Variants in CASP8 observed in about 807,000 individuals in gnomAD.
CASP8 encodes caspase 8, also known as caspase-8.
Under a neutral mutation model 46.3 loss-of-function variants are expected in CASP8, and 24 were observed. The observed-to-expected ratio is 0.52, with a 90% CI of 0.38 to 0.73. CASP8 has a LOEUF of 0.73. CASP8 is among the 30% of genes least tolerant of loss of function. CASP8 has a pLI of 0.00. For missense variants in CASP8, 460 were observed against 559.0 expected, an observed-to-expected ratio of 0.82 and a Z score of 1.79; for synonymous variants, 188 against 200.4, an observed-to-expected ratio of 0.94 and a Z score of 0.52.
intron 1 of CASP8, among the ~76,000 whole-genome samples, chr2:201,261,650 A>G (rs1947420436): frequency 6.6e-6 from 1 of 152,162 alleles, no homozygotes; most frequent in African/African-American, 2.4e-5. Context: ...GATGTCTGTC[A>G]GGTTCCGGGG....
intron 2 of CASP8, chr2:201,242,377 A>G (rs540733519): frequency 3.9e-5 from 6 of 152,300 alleles, no homozygotes; most frequent in Non-Finnish European, 5.9e-5. Flanking sequence ...CAGATTTGCT[A>G]TCTAGTGAGG....
intron 2 of CASP8, among the ~76,000 whole-genome samples, chr2:201,234,989 T>C (rs533098515): frequency 6.6e-6 from 1 of 152,322 alleles, no homozygotes; most frequent in South Asian, 2.1e-4. Context: ...ACTGTATGAA[T>C]GAGGAAAGAA....
rs1948245907 is a variant in CASP8 at position 201,271,544 on chromosome 2, G to A, written c.334G>A (p.Val112Met). 8.1e-6 allele frequency: 13 copies of A among 1,608,730 alleles called. No homozygotes were observed. The highest frequency in any genetic ancestry group is 1.3e-5 in the African/African-American group (1 of 74,956). Residue 112 changes from valine (V) to methionine (M), a missense_variant, in exon 3 of 9, where the codon GTG (valine) becomes ATG (methionine). Coordinates refer to ENST00000673742, the MANE Select transcript of CASP8 (RefSeq NM_001372051.1). ...CATGCTCTATCAGATTTCAGAAGAA[G>A]TGAGCAGATCAGAATTGAGGTCTTT... ...RVMLYQISEE[V>M]SRSELRSFKF...
intron 5 of CASP8, among the ~76,000 whole-genome samples, chr2:201,273,337 G>T (rs1218265157): frequency 6.6e-6 from 1 of 152,206 alleles, no homozygotes; most frequent in Non-Finnish European, 1.5e-5. Flanking sequence ...GGGATTACAG[G>T]CATGAGCCAC....
At chr2:201,277,383 T>C (rs1044646033) in intron 7 of CASP8, among the ~76,000 whole-genome samples, 4 of 152,164 alleles carry the variant, frequency 2.6e-5, no homozygotes, top group Non-Finnish European at 5.9e-5. Context: ...TTAACAGAAA[T>C]AGCATTTTCA....
intron 2 of CASP8, among the ~76,000 whole-genome samples, chr2:201,254,213 G>A (rs55637196): frequency 0.12 from 18,597 of 152,154 alleles, 1,534 homozygotes; most frequent in South Asian, 0.29. Context: ...TTCTGAGAAA[G>A]CAGAAGGGGT....
At position 201,266,309 on chromosome 2, in the gene CASP8, A is replaced by G. The variant is rs1463887234; in HGVS notation, c.-26-152A>G. 6 of 658,496 alleles carry G rather than the reference A, an allele frequency of 9.1e-6. No individual in the cohort carries two copies. Among genetic ancestry groups the G allele is most frequent in the Admixed American group, 5.1e-5 (2 of 39,274 alleles). The allele number at this position is 658,496 out of a possible 1,614,324, so 40.8% of individuals were successfully genotyped here. On this transcript the variant is annotated intron_variant, in intron 1 of 8. Transcript: ENST00000673742. The surrounding 1 kb of genome is among the most constrained non-coding windows in gnomAD (Gnocchi z 5.7). ...CTTGTTTGTATGTCTACCTTCCTAAACAGTAAGAGGGAACTTGTCTGGTGT... is the reference window on the plus strand; with the variant it reads ...CTTGTTTGTATGTCTACCTTCCTAAGCAGTAAGAGGGAACTTGTCTGGTGT...
rs1380627048 is a variant in CASP8 at position 201,276,982 on chromosome 2, CA to C, written c.802+18del. ...ACTTGGATGCAGGTACAGTAGAACC[CA>C]AAAGAGAAAAGTAAAATATTTCTTA... is the stretch of plus-strand genomic sequence containing the variant. On this transcript the variant is annotated intron_variant, in intron 7 of 8. Transcript: ENST00000673742. 2 of 1,591,658 alleles carry C rather than the reference CA, an allele frequency of 1.3e-6. No homozygotes were observed. Among genetic ancestry groups the C allele is most frequent in the Admixed American group, 3.3e-5 (2 of 59,872 alleles).
upstream of CASP8, among the ~76,000 whole-genome samples, chr2:201,257,220 G>C (rs1034675852): frequency 4.6e-5 from 7 of 152,192 alleles, no homozygotes; most frequent in African/African-American, 1.4e-4. Context: ...CGTGGCTCAT[G>C]CCTGTAATCC....
intron 2 of CASP8, among the ~76,000 whole-genome samples, chr2:201,243,710 T>C (rs1285464581): frequency 6.6e-6 from 1 of 152,248 alleles, no homozygotes; most frequent in African/African-American, 2.4e-5. Context: ...TAATGTATTG[T>C]TCCACCCTGT....
chr2:201,268,909 T>TTGTGTG (rs58087434), intron 2 of CASP8, among the ~76,000 whole-genome samples: 4,002 of 131,576 alleles, frequency 0.03, 90 homozygotes, highest in East Asian at 0.045. Flanking sequence ...GGCCTCATCT[T>TTGTGTG]TGTGTGTGTG....
rs142482722 is a variant in CASP8, at chr2:201,278,084, C to T, written c.802+1116C>T. The T allele has an allele frequency of 5.1e-3, 789 of 153,804 alleles. 7 individuals are homozygous for T. Among genetic ancestry groups the T allele is most frequent in the Admixed American group, 8.4e-3 (130 of 15,486 alleles). The allele number at this position is 153,804 out of a possible 1,614,324, so 9.5% of individuals were successfully genotyped here. ...GATTAAGTCCATTGATTACATCATT[C>T]GTCACTATGCGCTTGGTATTGAAAA... On this transcript the variant is annotated intron_variant, in intron 7 of 8. Coordinates refer to ENST00000673742, the MANE Select transcript of CASP8 (RefSeq NM_001372051.1).
Position 201,272,494 on chromosome 2 carries a change from G to A in CASP8, c.412-144G>A, listed in dbSNP as rs2125248244. Reference sequence around the variant, plus strand: ...TCGCTTCCCTAGTAGCCTGCTGGCTGTGAGAGACCAGCAGAAACTGTCAGA... The same window carrying A: ...TCGCTTCCCTAGTAGCCTGCTGGCTATGAGAGACCAGCAGAAACTGTCAGA... On this transcript the variant is annotated intron_variant, in intron 3 of 8. Transcript: ENST00000673742. This position sits in a 1 kb window ranked among gnomAD's most constrained non-coding sequence, Gnocchi z 4.4. 4.6e-6 allele frequency: 4 copies of A among 861,152 alleles called. No homozygotes were observed. The highest frequency in any genetic ancestry group is 7.5e-6 in the Non-Finnish European group (4 of 536,220). 53.3% of individuals were successfully genotyped at this position (861,152 alleles called of 1,614,324 possible).
intron 2 of CASP8, among the ~76,000 whole-genome samples, chr2:201,243,160 T>C (rs1026790640): frequency 6.6e-6 from 1 of 152,188 alleles, no homozygotes; most frequent in Non-Finnish European, 1.5e-5. Flanking sequence ...CTGTACAACA[T>C]TGTACCTATA....
chr2:201,274,961 G>A lies in CASP8; in HGVS notation c.660+8G>A, dbSNP rs2125292768. 2.5e-6 allele frequency: 4 copies of A among 1,598,710 alleles called. No homozygotes were observed. The highest frequency in any genetic ancestry group is 3.4e-6 in the Non-Finnish European group (4 of 1,166,438). On this transcript the variant is annotated splice_region_variant and intron_variant, in intron 6 of 8. Coordinates refer to ENST00000673742, the MANE Select transcript of CASP8 (RefSeq NM_001372051.1). ...CAGGATAGTGAATCACAGGTAGACG[G>A]AAACCTCCAAATCCTTTTTTTTACA...
At chr2:201,257,519 A>AG (rs548181640), upstream of CASP8, among the ~76,000 whole-genome samples, 162 of 151,276 alleles carry the variant, frequency 1.1e-3, no homozygotes, top group African/African-American at 3.8e-3. Flanking sequence ...GGGAGGGTCT[A>AG]GGGCTCAGAG....
chr2:201,282,972 G>A (rs1462230434), intron 7 of CASP8, among the ~76,000 whole-genome samples: 1 of 66,620 alleles, frequency 1.5e-5, no homozygotes, highest in Non-Finnish European at 3.8e-5. Context: ...CCTCCCGGAC[G>A]GGGCGGCTGG....
At chr2:201,238,204 A>T (rs908712394) in intron 2 of CASP8, among the ~76,000 whole-genome samples, 5 of 152,196 alleles carry the variant, frequency 3.3e-5, no homozygotes, top group African/African-American at 1.2e-4. Flanking sequence ...CAGGAAACTA[A>T]GGCTGAGCTG....
At position 201,285,137 on chromosome 2, in the gene CASP8, C is replaced by A. The variant is rs755772069; in HGVS notation, c.1124C>A (p.Ser375Ter). ...YQKGIPVETD[S>*]EEQPYLEMDL... Reference sequence around the variant, plus strand: ...AAAGGTATACCTGTTGAGACTGATTCAGAGGAGCAACCCTATTTAGAAATG... The same window carrying A: ...AAAGGTATACCTGTTGAGACTGATTAAGAGGAGCAACCCTATTTAGAAATG... The change falls in exon 8 of 9, where the codon TCA becomes TAA. Residue 375 changes from serine (S) to a stop codon, truncating the protein, a stop_gained. Coordinates refer to ENST00000673742, the MANE Select transcript of CASP8 (RefSeq NM_001372051.1). LOFTEE classifies it high-confidence loss of function. 6.2e-7 allele frequency: 1 copy of A among 1,614,142 alleles called. No homozygotes were observed. Among genetic ancestry groups the A allele is most frequent in the Non-Finnish European group, 8.5e-7 (1 of 1,180,004 alleles).
Sources: gnomAD v4.1 joint callset for allele counts (sites outside exome capture counted in the v4.1 genomes callset) on GRCh38, gnomAD v4.1.1 for gene constraint, Gnocchi (gnomAD v3.1) non-coding constraint, MANE v1.5 for transcripts, NCBI Gene and HGNC (gene_info 2026-07-23, HGNC 2026-07-21) for gene names.